Variants in SLC38A2 observed in about 807,000 individuals in gnomAD.
SLC38A2 encodes sodium-coupled neutral amino acid symporter 2.
A neutral mutation model predicts 61.5 loss-of-function variants in SLC38A2; 11 were observed. That is an observed-to-expected ratio of 0.18 (90% CI 0.11 to 0.30). SLC38A2 has a LOEUF of 0.30. Among genes scored for constraint, SLC38A2 ranks in the 10% least tolerant of loss-of-function variants. The pLI, the probability that SLC38A2 is intolerant of heterozygous loss-of-function variation, is 1.00. For synonymous variants in SLC38A2, 217 were observed against 212.5 expected, an observed-to-expected ratio of 1.02 and a Z score of -0.18; for missense variants, 522 against 600.4, an observed-to-expected ratio of 0.87 and a Z score of 1.36.
At position 46,370,622 on chromosome 12, in the gene SLC38A2, T is replaced by A. The variant is rs751149762; in HGVS notation, c.204A>T (p.Pro68=). 6.2e-7 allele frequency: 1 copy of A among 1,611,320 alleles called. No individual in the cohort carries two copies. Among genetic ancestry groups the A allele is most frequent in the Non-Finnish European group, 8.5e-7 (1 of 1,177,422 alleles). Residue 68 remains proline (P), a synonymous_variant, in exon 4 of 16, where the codon CCA becomes CCT. Coordinates refer to ENST00000256689, the MANE Select transcript of SLC38A2 (RefSeq NM_018976.5). The part of the protein sequence containing the change: ...GKKKYETEFH[P]GTTSFGMSVF... ...CTGACATTCCAAAGGAAGTAGTACC[T>A]GGATGCTACATAGAGGGAAAACGAT... is the stretch of plus-strand genomic sequence containing the variant.
In SLC38A2 at chr12:46,360,901, T is replaced by C; in HGVS notation, c.*210A>G. 1 of 491,876 alleles carries C rather than the reference T, an allele frequency of 2.0e-6. No homozygotes were observed. Among genetic ancestry groups the C allele is most frequent in the Non-Finnish European group, 3.6e-6 (1 of 280,130 alleles). The allele number at this position is 491,876 out of a possible 1,614,324, so 30.5% of individuals were successfully genotyped here. On this transcript the variant is annotated 3_prime_UTR_variant, in exon 16 of 16. Coordinates refer to ENST00000256689, the MANE Select transcript of SLC38A2 (RefSeq NM_018976.5). ...CCTTAACCCGAGACTCGTGGTTTTG[T>C]TGTTCATATCCATTTCTAACATACA... is the stretch of plus-strand genomic sequence containing the variant.
At chr12:46,368,649 A>G (rs1943163869) in intron 4 of SLC38A2, among the ~76,000 whole-genome samples, 1 of 152,240 alleles carries the variant, frequency 6.6e-6, no homozygotes, top group Non-Finnish European at 1.5e-5. Flanking sequence ...GTGCTGACAA[A>G]GAAACTGATG....
chr12:46,358,500 T>C lies in SLC38A2; in HGVS notation c.*2611A>G, dbSNP rs778993356. 1.3e-5 allele frequency: 2 copies of C among 152,668 alleles called. No individual in the cohort carries two copies. The highest frequency in any genetic ancestry group is 4.8e-5 in the African/African-American group (2 of 41,470). 9.5% of individuals were successfully genotyped at this position (152,668 alleles called of 1,614,324 possible). ...AAGATTTCATGAAAAAATTTGATGT[T>C]GTTTATTGCAAATACAATTTAAACA... On this transcript the variant is annotated 3_prime_UTR_variant, in exon 16 of 16. Coordinates refer to ENST00000256689, the MANE Select transcript of SLC38A2 (RefSeq NM_018976.5).
rs998991315 is a variant in SLC38A2, at chr12:46,358,267, C to T, written c.*2844G>A. On this transcript the variant is annotated 3_prime_UTR_variant, in exon 16 of 16. Transcript: ENST00000256689. ...CATTGAAACGGTGTAGCACTCTTTG[C>T]CAACAAGCCATACTAGAATTGTTGG... is the stretch of plus-strand genomic sequence containing the variant. 6.6e-6 allele frequency: 1 copy of T among 152,576 alleles called. No homozygotes were observed. Among genetic ancestry groups the T allele is most frequent in the African/African-American group, 2.4e-5 (1 of 41,422 alleles). The allele number at this position is 152,576 out of a possible 1,614,324, so 9.5% of individuals were successfully genotyped here.
At chr12:46,370,470 T>A (rs781748307) in intron 4 of SLC38A2, 42 bp downstream of exon 4, 1 of 1,424,744 alleles carries the variant, frequency 7.0e-7, no homozygotes, top group South Asian at 1.1e-5. Context: ...TTTACCATAG[T>A]AACTGCCCTG....
intron 12 of SLC38A2, 93 bp downstream of exon 12, chr12:46,363,632 GT>G (rs1943107004): frequency 1.4e-6 from 1 of 692,694 alleles, no homozygotes; most frequent in Admixed American, 3.1e-5. Context: ...TATTTTTAAA[GT>G]GATGGAACTA....
At chr12:46,364,745 C>T (rs1292806630) in intron 8 of SLC38A2, 43 bp from the exon 9 acceptor site, 3 of 1,551,670 alleles carry the variant, frequency 1.9e-6, no homozygotes, top group Non-Finnish European at 2.6e-6. Context: ...TTTAATGAAA[C>T]AGATTTAAGG....
intron 5 of SLC38A2, 34 bp downstream of exon 5, chr12:46,367,233 C>T: frequency 1.9e-6 from 3 of 1,582,104 alleles, no homozygotes; most frequent in Non-Finnish European, 2.6e-6. Flanking sequence ...GATAGGTATA[C>T]ATTGTTTTAG....
intron 4 of SLC38A2, 74 bp downstream of exon 4, chr12:46,370,438 A>T: frequency 8.9e-7 from 1 of 1,119,498 alleles, no homozygotes; most frequent in Non-Finnish European, 1.3e-6. Context: ...CTGTAAATTC[A>T]GTTTCTGGAG....
chr12:46,363,153 G>A lies in SLC38A2; in HGVS notation c.1055-8C>T, dbSNP rs758858704. 1.7e-5 allele frequency: 28 copies of A among 1,607,258 alleles called. No individual in the cohort carries two copies. Among genetic ancestry groups the A allele is most frequent in the Non-Finnish European group, 2.4e-5 (28 of 1,176,824 alleles). Reference sequence around the variant, plus strand: ...ATTCTGACTCAACATGTTCTACAGGGAAAGACCAAAAAAACTTTGATTGGC... The same window carrying A: ...ATTCTGACTCAACATGTTCTACAGGAAAAGACCAAAAAAACTTTGATTGGC... On this transcript the variant is annotated splice_polypyrimidine_tract_variant and splice_region_variant and intron_variant, in intron 12 of 15. Transcript: ENST00000256689.
intron 1 of SLC38A2, 64 bp downstream of exon 1, chr12:46,372,445 G>A: frequency 2.7e-6 from 1 of 365,144 alleles, no homozygotes; most frequent in Non-Finnish European, 4.9e-6. Context: ...CCTCCCGGAA[G>A]CCCCTCCCCC....
chr12:46,371,695 A>G, intron 1 of SLC38A2: 1 of 221,682 alleles, frequency 4.5e-6, no homozygotes. Flanking sequence ...GCTTTTTCCC[A>G]GTCGCTCCAA....
In SLC38A2 at chr12:46,359,817, G is replaced by C. The variant is rs979500243; in HGVS notation, c.*1294C>G. 1 of 152,610 alleles carries C rather than the reference G, an allele frequency of 6.6e-6. No individual in the cohort carries two copies. The highest frequency in any genetic ancestry group is 1.9e-4 in the East Asian group (1 of 5,204). The allele number at this position is 152,610 out of a possible 1,614,324, so 9.5% of individuals were successfully genotyped here. ...GTTTTCCCTAGCTAACCATTTGTTG[G>C]ATGTAAACAAGTAATTCTACGTTGT... On this transcript the variant is annotated 3_prime_UTR_variant, in exon 16 of 16. Transcript: ENST00000256689.
intron 12 of SLC38A2, among the ~76,000 whole-genome samples, chr12:46,363,483 T>A (rs1943105660): frequency 6.6e-6 from 1 of 152,072 alleles, no homozygotes; most frequent in Non-Finnish European, 1.5e-5. Context: ...GAGGCTGGCA[T>A]ATCATACAAA....
At chr12:46,364,080 T>G in intron 10 of SLC38A2, 77 bp from the exon 11 acceptor site, 3 of 1,264,564 alleles carry the variant, frequency 2.4e-6, no homozygotes, top group Non-Finnish European at 3.3e-6. Flanking sequence ...ATATATTTTA[T>G]GTAAACAATC....
In SLC38A2 at chr12:46,365,273, G is replaced by A. The variant is rs572794965; in HGVS notation, c.564-84C>T. ...ATCTTCTAACAGGACTCATTTCATA[G>A]GAATACCATGAAAACAAACACACAA... is the stretch of plus-strand genomic sequence containing the variant. On this transcript the variant is annotated intron_variant, in intron 7 of 15. Transcript: ENST00000256689. 13 of 1,109,504 alleles carry A rather than the reference G, an allele frequency of 1.2e-5. No individual in the cohort carries two copies. The African/African-American group carries it at 1.4e-4, about 12-fold the overall frequency. 68.7% of individuals were successfully genotyped at this position (1,109,504 alleles called of 1,614,324 possible). A position where few individuals can be genotyped will look rare whatever the true frequency, so the allele number is the denominator to read the frequency against.
rs201840519 is a variant in SLC38A2 at position 46,363,887 on chromosome 12, A to G, written c.953+37T>C. The stretch of plus-strand genomic sequence containing the variant: ...CAGCAGCAGTTACAGCAATTGTCTA[A>G]TATTTTCTCAAATTTATGTAAAAAT... On this transcript the variant is annotated intron_variant, in intron 11 of 15. Coordinates refer to ENST00000256689, the MANE Select transcript of SLC38A2 (RefSeq NM_018976.5). The G allele has an allele frequency of 2.4e-4, 381 of 1,595,758 alleles. 1 individual carries two copies. In the African/African-American group the frequency reaches 4.4e-3, roughly 18 times the overall value.
chr12:46,372,455 C>A, intron 1 of SLC38A2, 54 bp downstream of exon 1: 1 of 376,026 alleles, frequency 2.7e-6, no homozygotes, highest in Non-Finnish European at 4.7e-6. Context: ...GCCCCTCCCC[C>A]ACTCTCGCCC....
At position 46,362,621 on chromosome 12, in the gene SLC38A2, A is replaced by C. The variant is rs1943093973; in HGVS notation, c.1197T>G (p.Thr399=). ...AATCTTTTGATGCACACAACAAGTGAGTTACAGAACTCCGGATCTGCAAAA... is the reference window on the plus strand; with the variant it reads ...AATCTTTTGATGCACACAACAAGTGCGTTACAGAACTCCGGATCTGCAAAA... The part of the protein sequence containing the change: ...VVIFPIRSSV[T]HLLCASKDFS... The change falls in exon 14 of 16, where the codon ACT becomes ACG. Residue 399 remains threonine, a synonymous_variant. Coordinates refer to ENST00000256689, the MANE Select transcript of SLC38A2 (RefSeq NM_018976.5). 1 of 1,575,224 alleles carries C rather than the reference A, an allele frequency of 6.3e-7. No homozygotes were observed. The highest frequency in any genetic ancestry group is 1.4e-5 in the African/African-American group (1 of 72,296).
Sources: gnomAD v4.1 joint callset for allele counts (sites outside exome capture counted in the v4.1 genomes callset) on GRCh38, gnomAD v4.1.1 for gene constraint, MANE v1.5 for transcripts, NCBI Gene and HGNC (gene_info 2026-07-23, HGNC 2026-07-21) for gene names.